Variants in GLP2R observed in about 807,000 individuals in gnomAD.
GLP2R encodes glucagon like peptide 2 receptor, also known as glucagon-like peptide 2 receptor.
A neutral mutation model predicts 68.2 loss-of-function variants in GLP2R; 59 were observed. The ratio of observed to expected loss-of-function variants is 0.87; its 90% CI spans 0.70 to 1.07. GLP2R has a LOEUF of 1.07. GLP2R is among the 50% of genes least tolerant of loss of function. The pLI is 0.00. For missense variants in GLP2R, 548 were observed against 677.4 expected, an observed-to-expected ratio of 0.81 and a Z score of 2.12; for synonymous variants, 270 against 265.4, an observed-to-expected ratio of 1.02 and a Z score of -0.17.
Position 9,890,205 on chromosome 17 carries a change from A to C in GLP2R, c.*500A>C. On this transcript the variant is annotated 3_prime_UTR_variant, in exon 13 of 13. Coordinates refer to ENST00000262441, the MANE Select transcript of GLP2R (RefSeq NM_004246.3). Reference sequence around the variant, plus strand: ...CAGGAATTGGAGCTGTTTAATAAGCATCCCAGGTAATTCTGCTGCAAGCCC... The same window carrying C: ...CAGGAATTGGAGCTGTTTAATAAGCCTCCCAGGTAATTCTGCTGCAAGCCC... 2.7e-6 allele frequency: 1 copy of C among 373,202 alleles called. No homozygotes were observed. The highest frequency in any genetic ancestry group is 2.1e-5 in the South Asian group (1 of 48,634). The allele number at this position is 373,202 out of a possible 1,614,324, so 23.1% of individuals were successfully genotyped here.
At chr17:9,889,240 C>T in intron 12 of GLP2R, 130 bp from the exon 13 acceptor site, 1 of 624,560 alleles carries the variant, frequency 1.6e-6, no homozygotes, top group Non-Finnish European at 2.8e-6. Flanking sequence ...TTTGTTTCTC[C>T]TTGTCTCCCC....
At chr17:9,841,981 A>C (rs1331963581) in intron 3 of GLP2R, among the ~76,000 whole-genome samples, 1 of 152,138 alleles carries the variant, frequency 6.6e-6, no homozygotes, top group African/African-American at 2.4e-5. Context: ...TTCCCAAATC[A>C]TGGAGAGTTG....
intron 7 of GLP2R, 23 bp from the exon 8 acceptor site, chr17:9,861,116 A>C (rs1384513565): frequency 3.7e-6 from 6 of 1,609,434 alleles, no homozygotes; most frequent in Non-Finnish European, 5.1e-6. Flanking sequence ...TCCTAACTAC[A>C]TTTCCCTGTG....
chr17:9,833,186 C>T (rs2066696072), intron 1 of GLP2R, among the ~76,000 whole-genome samples: 1 of 151,926 alleles, frequency 6.6e-6, no homozygotes, highest in Non-Finnish European at 1.5e-5. Context: ...ATCGCTTGAA[C>T]CCAGGAGGCA....
At chr17:9,840,868 CA>C (rs1392507148) in intron 3 of GLP2R, among the ~76,000 whole-genome samples, 2 of 151,808 alleles carry the variant, frequency 1.3e-5, no homozygotes. Flanking sequence ...GAGAAGTAGG[CA>C]GATGTGGCTG....
intron 10 of GLP2R, among the ~76,000 whole-genome samples, chr17:9,871,160 G>A (rs1037982935): frequency 6.6e-6 from 1 of 152,106 alleles, no homozygotes; most frequent in Non-Finnish European, 1.5e-5. Flanking sequence ...TTGAGGCCAT[G>A]AGTTTGAGAA....
intron 10 of GLP2R, among the ~76,000 whole-genome samples, chr17:9,875,249 C>G (rs1319800537): frequency 6.6e-6 from 1 of 152,204 alleles, no homozygotes; most frequent in African/African-American, 2.4e-5. Context: ...ATAACCCCAG[C>G]AGGGCATTGG....
At chr17:9,853,291 C>A in intron 4 of GLP2R, 2 of 268,344 alleles carry the variant, frequency 7.5e-6, no homozygotes, top group South Asian at 5.5e-5. Flanking sequence ...TCATGTCCAT[C>A]TCCATCGAGT....
intron 1 of GLP2R, among the ~76,000 whole-genome samples, chr17:9,830,994 A>G (rs1205604603): frequency 1.3e-5 from 2 of 152,226 alleles, no homozygotes; most frequent in African/African-American, 4.8e-5. Flanking sequence ...GGCTTTAGAT[A>G]TATCTTTTGG....
At chr17:9,883,123 ATAAT>A (rs1032345043) in intron 11 of GLP2R, among the ~76,000 whole-genome samples, 6 of 152,202 alleles carry the variant, frequency 3.9e-5, no homozygotes, top group African/African-American at 1.4e-4. Context: ...AGTTGTTGAA[ATAAT>A]TAAAGGAATT....
chr17:9,870,811 T>C lies in GLP2R; in HGVS notation c.1121T>C (p.Met374Thr). The change falls in exon 10 of 13, where the codon ATG becomes ACG. Residue 374 changes from methionine (M) to threonine (T), a missense_variant. Physicochemically the swap from Met to Thr is moderately conservative, Grantham distance 81. Coordinates refer to ENST00000262441, the MANE Select transcript of GLP2R (RefSeq NM_004246.3). ...LLISKLKAHQMCFRDYKYRLA... is the reference protein window; with the variant it reads ...LLISKLKAHQTCFRDYKYRLA... The stretch of plus-strand genomic sequence containing the variant: ...ATTTCTAAGCTCAAAGCTCATCAAA[T>C]GTGCTTCAGAGATTATAAATACAGG... The C allele has an allele frequency of 1.3e-6, 2 of 1,563,398 alleles. No homozygotes were observed. Among genetic ancestry groups the C allele is most frequent in the South Asian group, 1.1e-5 (1 of 90,050 alleles).
intron 1 of GLP2R, among the ~76,000 whole-genome samples, chr17:9,826,659 TTTTCC>T (rs1025415279): frequency 2.0e-5 from 3 of 152,192 alleles, no homozygotes; most frequent in African/African-American, 4.8e-5. Context: ...CCATTTTTCT[TTTTCC>T]TTTCCTTTCC....
At chr17:9,873,027 G>A (rs1235404171) in intron 10 of GLP2R, among the ~76,000 whole-genome samples, 15 of 152,192 alleles carry the variant, frequency 9.9e-5, no homozygotes, top group African/African-American at 2.9e-4. Flanking sequence ...CTCTCTTGGC[G>A]CCTCCAGTCG....
chr17:9,855,777 G>A (rs2066929425), intron 5 of GLP2R, among the ~76,000 whole-genome samples: 1 of 152,206 alleles, frequency 6.6e-6, no homozygotes, highest in African/African-American at 2.4e-5. Flanking sequence ...GCTGGTGGGT[G>A]ATGAAGCCAG....
At chr17:9,876,000 C>T (rs923616093) in intron 10 of GLP2R, among the ~76,000 whole-genome samples, 1 of 152,186 alleles carries the variant, frequency 6.6e-6, no homozygotes, top group Non-Finnish European at 1.5e-5. Context: ...GCCCCAGCCT[C>T]TGAAGTAGTT....
At chr17:9,835,909 C>G (rs909051391) in intron 2 of GLP2R, among the ~76,000 whole-genome samples, 1 of 151,898 alleles carries the variant, frequency 6.6e-6, no homozygotes, top group African/African-American at 2.4e-5. Flanking sequence ...CATGGTGGCA[C>G]ATGCCTGTAG....
intron 1 of GLP2R, 66 bp from the exon 2 acceptor site, chr17:9,833,741 G>A (rs2066701865): frequency 3.2e-6 from 3 of 924,102 alleles, no homozygotes; most frequent in East Asian, 4.8e-5. Flanking sequence ...GAATCATGGT[G>A]TGAAGTGACA....
chr17:9,842,224 G>C (rs1197325729), intron 3 of GLP2R, among the ~76,000 whole-genome samples: 4 of 152,174 alleles, frequency 2.6e-5, no homozygotes, highest in African/African-American at 9.7e-5. Flanking sequence ...GAACCTTGGA[G>C]GGCTTATAAC....
At chr17:9,889,263 A>C in intron 12 of GLP2R, 107 bp from the exon 13 acceptor site, 1 of 695,912 alleles carries the variant, frequency 1.4e-6, no homozygotes, top group Non-Finnish European at 2.4e-6. Context: ...GTTAAAAGGT[A>C]AATTTCCCAA....
Sources: gnomAD v4.1 joint callset for allele counts (sites outside exome capture counted in the v4.1 genomes callset) on GRCh38, gnomAD v4.1.1 for gene constraint, MANE v1.5 for transcripts, NCBI Gene and HGNC (gene_info 2026-07-23, HGNC 2026-07-21) for gene names.